Variants in GLS observed in about 807,000 individuals in gnomAD.
The protein encoded by GLS is glutaminase kidney isoform, mitochondrial.
In GLS, 36 loss-of-function variants were observed where a neutral mutation model predicts 86.7. That is an observed-to-expected ratio of 0.42 (90% confidence interval 0.32 to 0.55). GLS has a LOEUF of 0.55. Ranked by LOEUF, GLS falls within the 20% of genes least tolerant of loss-of-function variation. GLS has a pLI of 0.17. For synonymous variants in GLS, 317 were observed against 305.9 expected (o/e 1.04, Z -0.38); for missense variants, 528 against 833.4 (o/e 0.63, Z 4.51).
At chr2:190,933,127 G>T in intron 14 of GLS, 4 of 883,562 alleles carry the variant, frequency 4.5e-6, no homozygotes, top group Non-Finnish European at 5.5e-6. Context: ...AATTTTTTTT[G>T]ATGTAATTAA....
chr2:190,900,548 T>C lies in GLS; in HGVS notation c.606-16T>C. On this transcript the variant is annotated splice_polypyrimidine_tract_variant and intron_variant, in intron 3 of 17. Transcript: ENST00000320717. ...AAATGTACCCAGTTTATTAATTATC[T>C]TTTTACATTCTACAGATGTGTTCAG... is the stretch of plus-strand genomic sequence containing the variant. 6.6e-7 allele frequency: 1 copy of C among 1,508,260 alleles called. No homozygotes were observed. Among genetic ancestry groups the C allele is most frequent in the South Asian group, 1.2e-5 (1 of 80,856 alleles). The allele number at this position is 1,508,260 out of a possible 1,614,324, so 93.4% of individuals were successfully genotyped here. A position where few individuals can be genotyped will look rare whatever the true frequency, so the allele number is the denominator to read the frequency against.
intron 14 of GLS, chr2:190,933,238 C>G: frequency 4.6e-6 from 4 of 878,342 alleles, no homozygotes; most frequent in Non-Finnish European, 5.5e-6. Flanking sequence ...AGTTTTGTTG[C>G]ATTTTGTTTT....
In GLS at chr2:190,913,728, C is replaced by T. The variant is rs1689432074; in HGVS notation, c.1038+3407C>T. The T allele has an allele frequency of 1.0e-6, 1 of 973,858 alleles. No homozygotes were observed. Among genetic ancestry groups the T allele is most frequent in the South Asian group, 4.8e-5 (1 of 21,034 alleles). The allele number at this position is 973,858 out of a possible 1,614,324, so 60.3% of individuals were successfully genotyped here. Reference sequence around the variant, plus strand: ...GGACAACATACTGCAAAATAATTGCCACACTTAATGCTTTTTCATGTTAGA... The same window carrying T: ...GGACAACATACTGCAAAATAATTGCTACACTTAATGCTTTTTCATGTTAGA... On this transcript the variant is annotated intron_variant, in intron 7 of 17. Coordinates refer to ENST00000320717, the MANE Select transcript of GLS (RefSeq NM_014905.5). This position sits in a 1 kb window ranked among gnomAD's most constrained non-coding sequence, Gnocchi z 6.1.
At chr2:190,933,883 A>G (rs1198330976) in intron 14 of GLS, 3 of 898,816 alleles carry the variant, frequency 3.3e-6, no homozygotes, top group Non-Finnish European at 4.0e-6. Flanking sequence ...GGTAGTAAGT[A>G]TGCTACTAAA....
intron 5 of GLS, among the ~76,000 whole-genome samples, chr2:190,902,566 G>A (rs924401232): frequency 6.6e-6 from 1 of 152,132 alleles, no homozygotes; most frequent in Admixed American, 6.5e-5. Context: ...TGACAGATGA[G>A]GAACTTGCAG....
chr2:190,934,250 C>G, intron 14 of GLS: 2 of 956,802 alleles, frequency 2.1e-6, no homozygotes, highest in Non-Finnish European at 2.5e-6. Context: ...AAAGATTTCA[C>G]TGAGTATTTT....
chr2:190,913,643 G>A lies in GLS; in HGVS notation c.1038+3322G>A, dbSNP rs761757107. 118 of 976,172 alleles carry A rather than the reference G, an allele frequency of 1.2e-4. No individual in the cohort carries two copies. Among genetic ancestry groups the A allele is most frequent in the Non-Finnish European group, 1.4e-4 (111 of 821,682 alleles). 60.5% of individuals were successfully genotyped at this position (976,172 alleles called of 1,614,324 possible). A position where few individuals can be genotyped will look rare whatever the true frequency, so the allele number is the denominator to read the frequency against. ...TTCTTTTCACTGGTAAAAATTTCAC[G>A]TAGTTTTAGTTTAAAAGTTAAGATC... is the stretch of plus-strand genomic sequence containing the variant. On this transcript the variant is annotated intron_variant, in intron 7 of 17. Transcript: ENST00000320717. The surrounding 1 kb of genome is among the most constrained non-coding windows in gnomAD (Gnocchi z 6.1).
intron 14 of GLS, among the ~76,000 whole-genome samples, chr2:190,937,657 T>C (rs1690310394): frequency 6.6e-6 from 1 of 151,354 alleles, no homozygotes; most frequent in African/African-American, 2.4e-5. Context: ...TTGTAGATTG[T>C]AGATCTACTT....
chr2:190,954,247 T>G lies in GLS; in HGVS notation c.1713-337T>G, dbSNP rs1479528479. 6.6e-6 allele frequency among the ~76,000 whole-genome samples: 1 copy of G among 152,090 alleles called. No individual in the cohort carries two copies. Among genetic ancestry groups the G allele is most frequent in the Non-Finnish European group, 1.5e-5 (1 of 68,028 alleles). ...GTCTTAGTAAAACATACAACTTTAC[T>G]ATAGGGATTAGTTTCTTGCCCTTAT... On this transcript the variant is annotated intron_variant, in intron 15 of 17. Transcript: ENST00000320717. The surrounding 1 kb of genome is among the most constrained non-coding windows in gnomAD (Gnocchi z 4.0).
At chr2:190,950,469 ATTGAT>A (rs1324274410) in intron 14 of GLS, among the ~76,000 whole-genome samples, 1 of 152,204 alleles carries the variant, frequency 6.6e-6, no homozygotes, top group African/African-American at 2.4e-5. Flanking sequence ...AAGAGGATTT[ATTGAT>A]GAGCTAGATG....
intron 14 of GLS, among the ~76,000 whole-genome samples, chr2:190,944,145 A>G (rs183729859): frequency 1.5e-4 from 23 of 151,404 alleles, no homozygotes; most frequent in African/African-American, 5.1e-4. Flanking sequence ...TTTATTTTTA[A>G]TTTACACAAA....
intron 6 of GLS, among the ~76,000 whole-genome samples, chr2:190,906,999 G>T (rs1464656217): frequency 6.7e-6 from 1 of 149,628 alleles, no homozygotes; most frequent in African/African-American, 2.5e-5. Context: ...GCATGATCTC[G>T]GCTTACTGCA....
chr2:190,901,137 G>A (rs988890986), intron 4 of GLS, among the ~76,000 whole-genome samples: 5 of 151,970 alleles, frequency 3.3e-5, no homozygotes, highest in Non-Finnish European at 7.4e-5. Context: ...CTTGAACAAA[G>A]CAGGGGTTAG....
At chr2:190,918,161 C>T (rs1689606100) in intron 7 of GLS, among the ~76,000 whole-genome samples, 1 of 152,152 alleles carries the variant, frequency 6.6e-6, no homozygotes, top group African/African-American at 2.4e-5. Context: ...TGAAACCAGA[C>T]ATTAACTTCT....
In GLS at chr2:190,914,729, A is replaced by G. The variant is rs951235221; in HGVS notation, c.1038+4408A>G. Among the ~76,000 whole-genome samples, 1 of 152,120 alleles carries G rather than the reference A, an allele frequency of 6.6e-6. No homozygotes were observed. The highest frequency in any genetic ancestry group is 2.4e-5 in the African/African-American group (1 of 41,442). ...TACTTTATGAATGGAATCAAGTGCG[A>G]TACTTACAAAATAACTCTGATGCAT... is the stretch of plus-strand genomic sequence containing the variant. On this transcript the variant is annotated intron_variant, in intron 7 of 17. Coordinates refer to ENST00000320717, the MANE Select transcript of GLS (RefSeq NM_014905.5). The surrounding 1 kb of genome is among the most constrained non-coding windows in gnomAD (Gnocchi z 4.4).
Position 190,938,516 on chromosome 2 carries a change from G to A in GLS, c.1650+6879G>A, listed in dbSNP as rs1690338882. Among the ~76,000 whole-genome samples, 1 of 151,436 alleles carries A rather than the reference G, an allele frequency of 6.6e-6. No individual in the cohort carries two copies. The highest frequency in any genetic ancestry group is 2.4e-5 in the African/African-American group (1 of 41,364). On this transcript the variant is annotated intron_variant, in intron 14 of 17. Transcript: ENST00000320717. The surrounding 1 kb of genome is among the most constrained non-coding windows in gnomAD (Gnocchi z 4.1). The stretch of plus-strand genomic sequence containing the variant: ...TTACCATAATCTTATATATTTTTTA[G>A]AATCACAGATTTGAATTTGAAAGTA...
At chr2:190,881,766 G>A (rs1445369832) in intron 1 of GLS, 1 of 296,354 alleles carries the variant, frequency 3.4e-6, no homozygotes, top group African/African-American at 2.2e-5. Context: ...GCGCCAGAGA[G>A]GCCGCTCCCC....
Position 190,913,612 on chromosome 2 carries a change from T to C in GLS, c.1038+3291T>C. ...TATGATGTAGCAGTATCCTTACGTATTTGTTTTCTTTTCACTGGTAAAAAT... is the reference window on the plus strand; with the variant it reads ...TATGATGTAGCAGTATCCTTACGTACTTGTTTTCTTTTCACTGGTAAAAAT... On this transcript the variant is annotated intron_variant, in intron 7 of 17. Coordinates refer to ENST00000320717, the MANE Select transcript of GLS (RefSeq NM_014905.5). This position sits in a 1 kb window ranked among gnomAD's most constrained non-coding sequence, Gnocchi z 6.1. 1 of 969,414 alleles carries C rather than the reference T, an allele frequency of 1.0e-6. No individual in the cohort carries two copies. 60.1% of individuals were successfully genotyped at this position (969,414 alleles called of 1,614,324 possible).
rs1690066506 is a variant in GLS, at chr2:190,930,301, G to A, written c.1426-136G>A. 4.7e-6 allele frequency: 3 copies of A among 636,462 alleles called. No individual in the cohort carries two copies. Among genetic ancestry groups the A allele is most frequent in the South Asian group, 3.7e-5 (2 of 53,944 alleles). The allele number at this position is 636,462 out of a possible 1,614,324, so 39.4% of individuals were successfully genotyped here. On this transcript the variant is annotated intron_variant, in intron 12 of 17. Coordinates refer to ENST00000320717, the MANE Select transcript of GLS (RefSeq NM_014905.5). This position sits in a 1 kb window ranked among gnomAD's most constrained non-coding sequence, Gnocchi z 5.0. ...TCCAACTCCTGGGCTCAAGTGATCT[G>A]CTTGCCTTGGCCTCCCAAAGTGCTG...
Sources: allele counts gnomAD v4.1 joint callset (sites outside exome capture counted in the v4.1 genomes callset), GRCh38; gene constraint gnomAD v4.1.1; non-coding constraint Gnocchi (gnomAD v3.1); transcripts MANE v1.5; gene names NCBI Gene and HGNC (gene_info 2026-07-23, HGNC 2026-07-21).